Variants in SAMD12 observed in about 807,000 individuals in gnomAD.
SAMD12 encodes the protein sterile alpha motif domain-containing protein 12.
Under a neutral mutation model 15.0 loss-of-function variants are expected in SAMD12, and 9 were observed. The observed-to-expected ratio is 0.60, with a 90% confidence interval of 0.36 to 1.05. The LOEUF (loss-of-function observed/expected upper bound fraction) is 1.05, where lower values mean the gene tolerates loss of function less well. Ranked by LOEUF, SAMD12 falls within the 50% of genes least tolerant of loss-of-function variation. SAMD12 has a pLI of 0.01. For missense variants in SAMD12, 230 were observed against 234.2 expected (o/e 0.98, Z 0.12); for synonymous variants, 86 against 90.1 (o/e 0.96, Z 0.25).
intron 4 of SAMD12, among the ~76,000 whole-genome samples, chr8:118,281,070 A>G (rs547218443): frequency 2.0e-5 from 3 of 151,054 alleles, no homozygotes; most frequent in Non-Finnish European, 4.4e-5. Context: ...AGAAACAGCT[A>G]GTTGTACTAG....
At chr8:118,297,883 AG>A (rs772759909) in intron 4 of SAMD12, among the ~76,000 whole-genome samples, 20 of 152,254 alleles carry the variant, frequency 1.3e-4, no homozygotes, top group Admixed American at 7.9e-4. Context: ...AAACAGAACA[AG>A]TCAAATGCAG....
At chr8:118,292,221 A>C (rs1221564048) in intron 4 of SAMD12, among the ~76,000 whole-genome samples, 1 of 151,422 alleles carries the variant, frequency 6.6e-6, no homozygotes, top group Non-Finnish European at 1.5e-5. Flanking sequence ...TGGGTGCACC[A>C]AAATCTCACA....
chr8:118,555,608 A>G (rs1826506894), intron 2 of SAMD12, among the ~76,000 whole-genome samples: 1 of 152,226 alleles, frequency 6.6e-6, no homozygotes, highest in East Asian at 1.9e-4. Context: ...TGACAACCAA[A>G]TCAATATTTA....
At chr8:118,278,070 C>T (rs1586412867) in intron 4 of SAMD12, among the ~76,000 whole-genome samples, 1 of 152,236 alleles carries the variant, frequency 6.6e-6, no homozygotes, top group African/African-American at 2.4e-5. Flanking sequence ...AACACAAATG[C>T]TTTCAAAGCA....
intron 4 of SAMD12, among the ~76,000 whole-genome samples, chr8:118,337,882 T>C (rs945021257): frequency 2.0e-5 from 3 of 152,232 alleles, no homozygotes; most frequent in Non-Finnish European, 2.9e-5. Context: ...AAAAAATGTA[T>C]GCTGAGGTTG....
At chr8:118,226,227 T>C (rs1812185713) in intron 4 of SAMD12, among the ~76,000 whole-genome samples, 1 of 152,148 alleles carries the variant, frequency 6.6e-6, no homozygotes, top group Non-Finnish European at 1.5e-5. Flanking sequence ...TAGCAAGAAA[T>C]CATACACTCA....
chr8:118,576,537 A>G (rs1827158062), intron 2 of SAMD12, among the ~76,000 whole-genome samples: 2 of 152,172 alleles, frequency 1.3e-5, no homozygotes, highest in Non-Finnish European at 2.9e-5. Context: ...TTAGGGCTAC[A>G]TATTGGAATT....
chr8:118,507,991 CTT>C (rs11384671), intron 2 of SAMD12, among the ~76,000 whole-genome samples: 15 of 108,812 alleles, frequency 1.4e-4, no homozygotes, highest in East Asian at 7.8e-4. Context: ...GTATAATCTC[CTT>C]TTTTTTTTTT....
chr8:118,299,204 T>C (rs28365515), intron 4 of SAMD12, among the ~76,000 whole-genome samples: 1 of 152,264 alleles, frequency 6.6e-6, no homozygotes, highest in East Asian at 1.9e-4. Flanking sequence ...GGAACTGATA[T>C]ATAAATAAGG....
intron 1 of SAMD12, among the ~76,000 whole-genome samples, chr8:118,593,799 T>C (rs981363390): frequency 6.6e-6 from 1 of 152,180 alleles, no homozygotes; most frequent in Non-Finnish European, 1.5e-5. Flanking sequence ...TCTATAGTTG[T>C]GTAATTGTTT....
intron 2 of SAMD12, among the ~76,000 whole-genome samples, chr8:118,550,398 G>T (rs201214027): frequency 1.2e-4 from 18 of 152,146 alleles, no homozygotes; most frequent in Admixed American, 2.6e-4. Context: ...AAAAGAATTT[G>T]CAACCCAGAA....
chr8:118,366,868 A>AAAT (rs1818813962), intron 4 of SAMD12, among the ~76,000 whole-genome samples: 5 of 124,898 alleles, frequency 4.0e-5, no homozygotes, highest in Admixed American at 8.0e-5. Flanking sequence ...AAATAAAATA[A>AAAT]AATAAAATAA....
chr8:118,621,902 G>A lies in SAMD12; in HGVS notation c.-86C>T. ...GCGCTCCCCCCTTCCTCTCGCTTTC[G>A]CCTAAATATTCTGCGCTTATCTGCT... On this transcript the variant is annotated 5_prime_UTR_variant, in exon 1 of 4. Coordinates refer to ENST00000314727, the MANE Select transcript of SAMD12 (RefSeq NM_207506.3). 1.4e-6 allele frequency: 2 copies of A among 1,462,782 alleles called. No homozygotes were observed. Among genetic ancestry groups the A allele is most frequent in the Non-Finnish European group, 1.9e-6 (2 of 1,042,196 alleles). The allele number at this position is 1,462,782 out of a possible 1,614,324, so 90.6% of individuals were successfully genotyped here. A position where few individuals can be genotyped will look rare whatever the true frequency, so the allele number is the denominator to read the frequency against.
At chr8:118,314,963 T>A (rs530672446) in intron 4 of SAMD12, among the ~76,000 whole-genome samples, 48 of 152,342 alleles carry the variant, frequency 3.2e-4, no homozygotes, top group African/African-American at 1.1e-3. Context: ...AGAAACTTCT[T>A]AAAAACTTTT....
chr8:118,339,967 AGACTGT>A lies in SAMD12; in HGVS notation c.433+39587_433+39592del, dbSNP rs1321735936. On this transcript the variant is annotated intron_variant, in intron 4 of 4. Coordinates refer to the SAMD12 transcript ENST00000409003. The stretch of plus-strand genomic sequence containing the variant: ...ATTTAATTTGCTGCCTGTGTTCAAT[AGACTGT>A]GAGCTCCTCAAGGGCAGGGATCGTG... Among the ~76,000 whole-genome samples the A allele has an allele frequency of 3.3e-5, 5 of 152,224 alleles. No individual in the cohort carries two copies. The East Asian group carries it at 9.6e-4, about 29-fold the overall frequency.
At chr8:118,409,725 T>G (rs865798315) in intron 3 of SAMD12, among the ~76,000 whole-genome samples, 15 of 152,198 alleles carry the variant, frequency 9.9e-5, no homozygotes, top group South Asian at 6.2e-4. Flanking sequence ...CTAAATGGCT[T>G]ATAATATCTA....
chr8:118,356,988 A>G (rs981149559), intron 4 of SAMD12, among the ~76,000 whole-genome samples: 1 of 152,064 alleles, frequency 6.6e-6, no homozygotes, highest in Non-Finnish European at 1.5e-5. Flanking sequence ...TCACTTCTAC[A>G]TTTCTGCAAA....
chr8:118,285,961 T>TA (rs765999824), intron 4 of SAMD12, among the ~76,000 whole-genome samples: 3 of 152,036 alleles, frequency 2.0e-5, no homozygotes, highest in Non-Finnish European at 4.4e-5. Flanking sequence ...ATGTGGCACA[T>TA]ATACACCATG....
chr8:118,429,540 T>C (rs1317879377), intron 3 of SAMD12, among the ~76,000 whole-genome samples: 2 of 152,220 alleles, frequency 1.3e-5, no homozygotes, highest in Non-Finnish European at 2.9e-5. Context: ...CTAATCTTTT[T>C]GTCTTTATTT....
Sources: allele counts gnomAD v4.1 joint callset (sites outside exome capture counted in the v4.1 genomes callset), GRCh38; gene constraint gnomAD v4.1.1; transcripts MANE v1.5; gene names NCBI Gene and HGNC (gene_info 2026-07-23, HGNC 2026-07-21).